TMED3: variants seen among roughly 807,000 people sequenced by gnomAD.
The protein encoded by TMED3 is transmembrane p24 trafficking protein 3.
In TMED3, 9 loss-of-function variants were observed where a neutral mutation model predicts 15.0. The observed-to-expected ratio is 0.60, with a 90% CI of 0.36 to 1.04. The LOEUF (loss-of-function observed/expected upper bound fraction) is 1.04, where lower values mean the gene tolerates loss of function less well. TMED3 is among the 50% of genes least tolerant of loss of function. The probability of loss-of-function intolerance (pLI) is 0.01; values close to 1 mark genes in which losing one functional copy is unlikely to be tolerated. For synonymous variants in TMED3, 117 were observed against 121.4 expected, an observed-to-expected ratio of 0.96 and a Z score of 0.24; for missense variants, 267 against 278.9, an observed-to-expected ratio of 0.96 and a Z score of 0.30.
intron 2 of TMED3, among the ~76,000 whole-genome samples, chr15:79,385,315 G>A (rs756451891): frequency 1.9e-4 from 29 of 152,110 alleles, no homozygotes; most frequent in Non-Finnish European, 3.5e-4. Flanking sequence ...TGAGAGGTCC[G>A]CACCTACCCC....
intron 2 of TMED3, among the ~76,000 whole-genome samples, chr15:79,361,721 A>AG: frequency 1.7e-5 from 1 of 57,306 alleles, no homozygotes; most frequent in Admixed American, 1.5e-4. Context: ...AAATTAAAAA[A>AG]AAAAAAATAT....
intron 2 of TMED3, among the ~76,000 whole-genome samples, chr15:79,362,811 C>T (rs965751109): frequency 1.3e-5 from 2 of 152,206 alleles, no homozygotes; most frequent in African/African-American, 4.8e-5. Flanking sequence ...TGAGGCCTCC[C>T]CAGCCATGTG....
rs1292829786 is a variant in TMED3 at position 79,322,819 on chromosome 15, A to C, written c.*605A>C. ...AGAAAACTGTGGGAAACTGTGGCTA[A>C]TAAAAACTAAGTGTGAGCGTCCTGG... On this transcript the variant is annotated 3_prime_UTR_variant, in exon 3 of 3. Transcript: ENST00000299705. 2.0e-6 allele frequency: 2 copies of C among 985,456 alleles called. No homozygotes were observed. The highest frequency in any genetic ancestry group is 2.4e-6 in the Non-Finnish European group (2 of 830,114). The allele number at this position is 985,456 out of a possible 1,614,324, so 61.0% of individuals were successfully genotyped here.
At chr15:79,327,523 T>C (rs1263513400), downstream of TMED3, among the ~76,000 whole-genome samples, 1 of 152,272 alleles carries the variant, frequency 6.6e-6, no homozygotes, top group Non-Finnish European at 1.5e-5. Flanking sequence ...AATGTACAAA[T>C]GTTCGAGCAC....
At chr15:79,411,461 G>T in exon 3 of TMED3, 2 of 702,542 alleles carry the variant, frequency 2.8e-6, no homozygotes, top group Non-Finnish European at 5.2e-6. Context: ...CAGCCAGGCG[G>T]AACACCTGCC....
chr15:79,322,088 T>C lies in TMED3; in HGVS notation c.528T>C (p.Asn176=), dbSNP rs1404106343. The C allele has an allele frequency of 1.2e-6, 2 of 1,614,100 alleles. No individual in the cohort carries two copies. Among genetic ancestry groups the C allele is most frequent in the Non-Finnish European group, 1.7e-6 (2 of 1,180,046 alleles). The change falls in exon 3 of 3, where the codon AAT becomes AAC. Residue 176 remains asparagine, a synonymous_variant. Transcript: ENST00000299705. The part of the protein sequence containing the change: ...AQDRARAEDL[N]SRVSYWSVGE... Reference sequence around the variant, plus strand: ...ACCGGGCCCGAGCAGAAGACCTTAATAGCCGAGTCTCTTACTGGTCTGTTG... The same window carrying C: ...ACCGGGCCCGAGCAGAAGACCTTAACAGCCGAGTCTCTTACTGGTCTGTTG...
intron 2 of TMED3, among the ~76,000 whole-genome samples, chr15:79,393,453 C>G (rs959297740): frequency 6.6e-6 from 1 of 152,200 alleles, no homozygotes; most frequent in African/African-American, 2.4e-5. Flanking sequence ...GACACATGAG[C>G]ACTATGCTGC....
At chr15:79,312,991 T>G (rs1211519402) in intron 1 of TMED3, among the ~76,000 whole-genome samples, 1 of 152,174 alleles carries the variant, frequency 6.6e-6, no homozygotes, top group Non-Finnish European at 1.5e-5. Flanking sequence ...CTGACGATTG[T>G]CCAGTAATTG....
chr15:79,405,839 A>G (rs1893895610), intron 2 of TMED3, among the ~76,000 whole-genome samples: 1 of 152,210 alleles, frequency 6.6e-6, no homozygotes, highest in Non-Finnish European at 1.5e-5. Flanking sequence ...AAGCATTAAC[A>G]TTGCCCTAGA....
chr15:79,369,093 TAA>T (rs34005997), intron 2 of TMED3, among the ~76,000 whole-genome samples: 108 of 128,518 alleles, frequency 8.4e-4, no homozygotes, highest in Admixed American at 1.1e-3. Flanking sequence ...GACTCTGTCT[TAA>T]AAAAAAAAAA....
intron 2 of TMED3, among the ~76,000 whole-genome samples, chr15:79,367,703 A>G (rs1893262698): frequency 6.6e-6 from 1 of 152,158 alleles, no homozygotes; most frequent in Non-Finnish European, 1.5e-5. Flanking sequence ...GGTTGCAGGT[A>G]CAGGATTTTT....
At chr15:79,349,550 C>T (rs2058884228) in intron 2 of TMED3, among the ~76,000 whole-genome samples, 1 of 152,090 alleles carries the variant, frequency 6.6e-6, no homozygotes. Flanking sequence ...TTATCCTATT[C>T]GTCTCTCCCT....
intron 2 of TMED3, among the ~76,000 whole-genome samples, chr15:79,321,014 T>C (rs2058764160): frequency 6.6e-6 from 1 of 152,198 alleles, no homozygotes; most frequent in Non-Finnish European, 1.5e-5. Flanking sequence ...CCTGGAGGCC[T>C]TTTTCTGGTC....
chr15:79,404,092 G>A (rs1237640869), intron 2 of TMED3, among the ~76,000 whole-genome samples: 1 of 152,274 alleles, frequency 6.6e-6, no homozygotes, highest in South Asian at 2.1e-4. Context: ...GTCATAAAAT[G>A]TATTCCTTGG....
At chr15:79,399,864 T>A (rs1184975316) in intron 2 of TMED3, among the ~76,000 whole-genome samples, 2 of 152,168 alleles carry the variant, frequency 1.3e-5, no homozygotes, top group African/African-American at 4.8e-5. Flanking sequence ...GCTAGACTGG[T>A]ACATGCTTCA....
At chr15:79,413,306 A>C (rs992845132) in exon 3 of TMED3, 1 of 152,254 alleles carries the variant, frequency 6.6e-6, no homozygotes, top group Non-Finnish European at 1.5e-5. Flanking sequence ...AAGCACTGGC[A>C]GGTCAATCGT....
intron 2 of TMED3, among the ~76,000 whole-genome samples, chr15:79,387,516 G>A (rs931730338): frequency 1.3e-5 from 2 of 151,914 alleles, no homozygotes; most frequent in East Asian, 1.9e-4. Flanking sequence ...GGGTGTCTTG[G>A]CTATTCTTAG....
intron 2 of TMED3, among the ~76,000 whole-genome samples, chr15:79,372,139 ACTTATAATT>A (rs1415933931): frequency 2.0e-5 from 3 of 152,216 alleles, no homozygotes; most frequent in Non-Finnish European, 4.4e-5. Flanking sequence ...TTCTCTCATT[ACTTATAATT>A]CTGCAGTGGC....
At chr15:79,348,922 C>T (rs1045070457) in intron 2 of TMED3, among the ~76,000 whole-genome samples, 1 of 152,154 alleles carries the variant, frequency 6.6e-6, no homozygotes, top group East Asian at 1.9e-4. Flanking sequence ...GCCTAGAACT[C>T]CCAGGTGGGT....
Sources: gnomAD v4.1 joint callset for allele counts (sites outside exome capture counted in the v4.1 genomes callset) on GRCh38, gnomAD v4.1.1 for gene constraint, MANE v1.5 for transcripts, NCBI Gene and HGNC (gene_info 2026-07-23, HGNC 2026-07-21) for gene names.